ARHGAP24: variants seen among roughly 807,000 people sequenced by gnomAD.
ARHGAP24 encodes the protein rho GTPase-activating protein 24.
A neutral mutation model predicts 76.4 loss-of-function variants in ARHGAP24; 50 were observed. That is an observed-to-expected ratio of 0.65 (90% CI 0.52 to 0.83). ARHGAP24 has a LOEUF of 0.83. Among genes scored for constraint, ARHGAP24 ranks in the 40% least tolerant of loss-of-function variants. The pLI is 0.00. For missense variants in ARHGAP24, 930 were observed against 914.2 expected, an observed-to-expected ratio of 1.02 and a Z score of -0.22; for synonymous variants, 345 against 323.3, an observed-to-expected ratio of 1.07 and a Z score of -0.72.
At chr4:85,615,354 A>G (rs959606835) in intron 2 of ARHGAP24, among the ~76,000 whole-genome samples, 1 of 152,116 alleles carries the variant, frequency 6.6e-6, no homozygotes, top group African/African-American at 2.4e-5. Flanking sequence ...AACCCCTCCT[A>G]AAACAACAAA....
At chr4:85,636,272 T>C (rs2109966621) in intron 2 of ARHGAP24, among the ~76,000 whole-genome samples, 1 of 152,014 alleles carries the variant, frequency 6.6e-6, no homozygotes, top group East Asian at 1.9e-4. Context: ...AGTTTTTGTC[T>C]TTACATTTCT....
chr4:85,800,896 A>G (rs946935994), intron 3 of ARHGAP24, among the ~76,000 whole-genome samples: 7 of 152,246 alleles, frequency 4.6e-5, no homozygotes, highest in African/African-American at 1.7e-4. Context: ...TTCAGTTGAA[A>G]GTTCTCAATA....
intron 2 of ARHGAP24, among the ~76,000 whole-genome samples, chr4:85,631,818 AC>A (rs1721168337): frequency 6.6e-6 from 1 of 152,022 alleles, no homozygotes; most frequent in African/African-American, 2.4e-5. Flanking sequence ...CATGTTTTCT[AC>A]TGTCATCTAA....
intron 1 of ARHGAP24, among the ~76,000 whole-genome samples, chr4:85,514,618 T>A (rs1230257646): frequency 6.6e-6 from 1 of 151,812 alleles, no homozygotes; most frequent in East Asian, 1.9e-4. Context: ...GCTGTTTGAA[T>A]CAGGAGTGGC....
intron 2 of ARHGAP24, among the ~76,000 whole-genome samples, chr4:85,617,726 TGA>T (rs1720586517): frequency 6.6e-6 from 1 of 152,228 alleles, no homozygotes; most frequent in Admixed American, 6.5e-5. Context: ...GATAAATTCC[TGA>T]GAGTGGAAAA....
chr4:85,765,877 A>G (rs1452116795), intron 3 of ARHGAP24, among the ~76,000 whole-genome samples: 1 of 152,224 alleles, frequency 6.6e-6, no homozygotes, highest in Non-Finnish European at 1.5e-5. Flanking sequence ...CTGAAAGCCG[A>G]GGAACAATAA....
intron 1 of ARHGAP24, among the ~76,000 whole-genome samples, chr4:85,505,119 A>C (rs749528302): frequency 2.0e-5 from 3 of 152,092 alleles, no homozygotes; most frequent in Non-Finnish European, 4.4e-5. Context: ...TCCCTTTGTG[A>C]GTAACCAGAC....
intron 2 of ARHGAP24, among the ~76,000 whole-genome samples, chr4:85,575,175 G>A (rs936455771): frequency 1.3e-4 from 19 of 151,918 alleles, no homozygotes; most frequent in African/African-American, 2.9e-4. Flanking sequence ...GGAGAAAACC[G>A]TCTCCAGAAT....
intron 1 of ARHGAP24, among the ~76,000 whole-genome samples, chr4:85,514,979 C>T (rs183663936): frequency 1.4e-4 from 22 of 152,204 alleles, no homozygotes; most frequent in East Asian, 1.4e-3. Flanking sequence ...GAAGGAATAA[C>T]GCCAGTGAAG....
chr4:85,987,398 A>G (rs1578471336), intron 8 of ARHGAP24, among the ~76,000 whole-genome samples: 1 of 152,220 alleles, frequency 6.6e-6, no homozygotes, highest in Non-Finnish European at 1.5e-5. Context: ...AACCAACTGT[A>G]TAAAGCCCAC....
chr4:85,476,488 C>T (rs927268838), intron 1 of ARHGAP24, among the ~76,000 whole-genome samples: 7 of 152,006 alleles, frequency 4.6e-5, no homozygotes, highest in African/African-American at 1.7e-4. Context: ...ATAAATAAAT[C>T]GTGCTGAGTA....
chr4:85,749,696 G>C (rs997690267), intron 3 of ARHGAP24, among the ~76,000 whole-genome samples: 20 of 152,184 alleles, frequency 1.3e-4, no homozygotes, highest in African/African-American at 4.1e-4. Context: ...CCCCTGAGTA[G>C]CTGGGATTAC....
intron 2 of ARHGAP24, among the ~76,000 whole-genome samples, chr4:85,628,281 A>T (rs1325124861): frequency 6.6e-6 from 1 of 152,142 alleles, no homozygotes; most frequent in South Asian, 2.1e-4. Flanking sequence ...GTTTTTCTGT[A>T]TCAGAATTTT....
intron 2 of ARHGAP24, among the ~76,000 whole-genome samples, chr4:85,665,489 T>C (rs1722577192): frequency 6.6e-6 from 1 of 152,234 alleles, no homozygotes; most frequent in Admixed American, 6.5e-5. Context: ...CTGTGTCTTT[T>C]AATTGGAGCA....
At chr4:85,913,219 C>T (rs1354906452) in intron 3 of ARHGAP24, among the ~76,000 whole-genome samples, 7 of 151,824 alleles carry the variant, frequency 4.6e-5, no homozygotes, top group Non-Finnish European at 1.0e-4. Context: ...TGTTTGCTTC[C>T]CTCTGTAATC....
chr4:85,787,450 C>G (rs1242760118), intron 3 of ARHGAP24, among the ~76,000 whole-genome samples: 1 of 152,088 alleles, frequency 6.6e-6, no homozygotes, highest in Admixed American at 6.6e-5. Context: ...CGTGGTCTAC[C>G]TCCTTGCATT....
At chr4:85,665,304 A>G (rs1350764243) in intron 2 of ARHGAP24, among the ~76,000 whole-genome samples, 4 of 151,980 alleles carry the variant, frequency 2.6e-5, no homozygotes, top group African/African-American at 4.8e-5. Flanking sequence ...TTGTTGGTTT[A>G]AAGTCTGTTT....
intron 8 of ARHGAP24, among the ~76,000 whole-genome samples, chr4:85,981,515 T>G (rs566378115): frequency 6.6e-6 from 1 of 152,302 alleles, no homozygotes; most frequent in Non-Finnish European, 1.5e-5. Flanking sequence ...TTGTCACAAC[T>G]CCATGTGTGT....
At chr4:85,740,945 T>C (rs1254979073) in intron 3 of ARHGAP24, among the ~76,000 whole-genome samples, 1 of 152,252 alleles carries the variant, frequency 6.6e-6, no homozygotes, top group African/African-American at 2.4e-5. Flanking sequence ...TGTTCACTAT[T>C]GTATTCTTTA....
Sources: allele counts gnomAD v4.1 joint callset (sites outside exome capture counted in the v4.1 genomes callset), GRCh38; gene constraint gnomAD v4.1.1; transcripts MANE v1.5; gene names NCBI Gene and HGNC (gene_info 2026-07-23, HGNC 2026-07-21).